Variants in LRP1B observed in about 807,000 individuals in gnomAD.
The protein encoded by LRP1B is LDL receptor related protein 1B, also known as low-density lipoprotein receptor-related protein 1B.
LRP1B carries 217 observed loss-of-function variants against 556.6 expected under a neutral mutation model. The observed-to-expected ratio is 0.39, with a 90% confidence interval of 0.35 to 0.44. LRP1B has a LOEUF of 0.44. Ranked by LOEUF, LRP1B falls within the 20% of genes least tolerant of loss-of-function variation. The probability of loss-of-function intolerance (pLI) is 1.00; values close to 1 mark genes in which losing one functional copy is unlikely to be tolerated. For synonymous variants in LRP1B, 2,047 were observed against 1,865.8 expected (o/e 1.10, Z -2.50); for missense variants, 5,053 against 5,620.8 (o/e 0.90, Z 3.23).
At chr2:140,268,867 T>C (rs113533135) in intron 86 of LRP1B, among the ~76,000 whole-genome samples, 2,845 of 151,962 alleles carry the variant, frequency 0.019, 88 homozygotes, top group African/African-American at 0.064. Flanking sequence ...CAGTTCTCGG[T>C]AAAATTTTGG....
chr2:140,688,720 T>C (rs1379982378), intron 41 of LRP1B, among the ~76,000 whole-genome samples: 1 of 152,192 alleles, frequency 6.6e-6, no homozygotes, highest in Admixed American at 6.5e-5. Context: ...CAGAGACTTA[T>C]AAAATATCTT....
intron 7 of LRP1B, among the ~76,000 whole-genome samples, chr2:141,120,055 A>G (rs925559776): frequency 2.0e-5 from 3 of 152,070 alleles, no homozygotes; most frequent in African/African-American, 7.2e-5. Context: ...AAGCTGCAGT[A>G]TGGGTACCTT....
intron 7 of LRP1B, among the ~76,000 whole-genome samples, chr2:141,185,673 G>GAAAAAAAAAAAA (rs1365290510): frequency 8.4e-5 from 2 of 23,770 alleles, no homozygotes; most frequent in Non-Finnish European, 1.5e-4. Context: ...ATGGAGAACT[G>GAAAAAAAAAAAA]AAAAACAAAC....
Position 140,270,350 on chromosome 2 carries a change from C to T in LRP1B, c.13143-4G>A. The T allele has an allele frequency of 6.3e-7, 1 of 1,584,782 alleles. No individual in the cohort carries two copies. The highest frequency in any genetic ancestry group is 1.1e-5 in the South Asian group (1 of 90,142). Reference sequence around the variant, plus strand: ...GGCAATCTTTCCATTAGTGCAGCTGCAACAACAAAGAAAAAAAGAACAATT... The same window carrying T: ...GGCAATCTTTCCATTAGTGCAGCTGTAACAACAAAGAAAAAAAGAACAATT... On this transcript the variant is annotated splice_polypyrimidine_tract_variant and splice_region_variant and intron_variant, in intron 85 of 90. Coordinates refer to ENST00000389484, the MANE Select transcript of LRP1B (RefSeq NM_018557.3).
chr2:141,245,417 T>G (rs1429658231), intron 5 of LRP1B, among the ~76,000 whole-genome samples: 1 of 152,166 alleles, frequency 6.6e-6, no homozygotes, highest in African/African-American at 2.4e-5. Context: ...TGAAGCTTGC[T>G]TAGCTAGTCT....
At chr2:140,540,816 C>G (rs183805796) in intron 45 of LRP1B, among the ~76,000 whole-genome samples, 157 bp downstream of exon 45, 1 of 152,046 alleles carries the variant, frequency 6.6e-6, no homozygotes, top group Non-Finnish European at 1.5e-5. Flanking sequence ...CTAAGCAGAA[C>G]AGTGAACTCG....
chr2:141,272,301 A>G (rs1475281682), intron 3 of LRP1B, among the ~76,000 whole-genome samples: 1 of 152,122 alleles, frequency 6.6e-6, no homozygotes, highest in East Asian at 1.9e-4. Flanking sequence ...TAGGACAACT[A>G]TTAAGAAAAC....
chr2:142,080,897 C>T (rs751696453), intron 1 of LRP1B, among the ~76,000 whole-genome samples: 1 of 149,974 alleles, frequency 6.7e-6, no homozygotes. Context: ...ACTGCTAGTG[C>T]CTTTCCTAGC....
intron 86 of LRP1B, among the ~76,000 whole-genome samples, chr2:140,259,214 A>C (rs746532532): frequency 2.6e-5 from 4 of 152,084 alleles, no homozygotes; most frequent in African/African-American, 4.8e-5. Flanking sequence ...AGAGGCTTCA[A>C]AGGACGGGGG....
intron 2 of LRP1B, among the ~76,000 whole-genome samples, chr2:141,649,699 T>C (rs1365787121): frequency 6.6e-6 from 1 of 152,218 alleles, no homozygotes; most frequent in Non-Finnish European, 1.5e-5. Context: ...TTAATTTTGT[T>C]TACATTTTAA....
intron 25 of LRP1B, 58 bp from the exon 26 acceptor site, chr2:140,868,321 A>G (rs2105157201): frequency 6.9e-7 from 1 of 1,452,122 alleles, no homozygotes. Context: ...CATTTCACAG[A>G]TATTTATTGA....
intron 76 of LRP1B, among the ~76,000 whole-genome samples, chr2:140,352,404 GA>G (rs1460637402): frequency 2.6e-5 from 4 of 152,078 alleles, no homozygotes; most frequent in Non-Finnish European, 5.9e-5. Context: ...TTGAACTCCT[GA>G]TCTCGTGATC....
chr2:141,743,501 C>CTTTTTTTTTTTTTTTTT (rs796287062), intron 2 of LRP1B, among the ~76,000 whole-genome samples: 17 of 119,034 alleles, frequency 1.4e-4, no homozygotes, highest in Non-Finnish European at 2.1e-4. Context: ...TTTTTTTTTT[C>CTTTTTTTTTTTTTTTTT]TTTTTTTTTT....
chr2:141,721,382 T>C (rs1032781998), intron 2 of LRP1B, among the ~76,000 whole-genome samples: 1 of 152,182 alleles, frequency 6.6e-6, no homozygotes, highest in Non-Finnish European at 1.5e-5. Flanking sequence ...AATTTGCTAA[T>C]AGTGGTTGAA....
At chr2:141,439,078 A>T (rs1012173669) in intron 3 of LRP1B, among the ~76,000 whole-genome samples, 11 of 152,164 alleles carry the variant, frequency 7.2e-5, no homozygotes, top group Non-Finnish European at 1.6e-4. Flanking sequence ...AATTCTATAA[A>T]CCTGAAAAAC....
At chr2:141,991,157 C>T (rs1344697034) in intron 1 of LRP1B, among the ~76,000 whole-genome samples, 1 of 151,996 alleles carries the variant, frequency 6.6e-6, no homozygotes, top group Non-Finnish European at 1.5e-5. Context: ...AAATCTTTTA[C>T]TGTGATATTA....
At chr2:140,826,401 C>T (rs1259905715) in intron 31 of LRP1B, among the ~76,000 whole-genome samples, 2 of 152,030 alleles carry the variant, frequency 1.3e-5, no homozygotes, top group East Asian at 1.9e-4. Flanking sequence ...GTTTAAATTG[C>T]CCCAGTTGAA....
At chr2:141,161,209 T>A (rs1680018634) in intron 7 of LRP1B, among the ~76,000 whole-genome samples, 1 of 152,136 alleles carries the variant, frequency 6.6e-6, no homozygotes, top group Admixed American at 6.6e-5. Context: ...TGTTAACCGT[T>A]TTTACATATA....
intron 41 of LRP1B, among the ~76,000 whole-genome samples, chr2:140,677,876 C>CAAAAAAAAAAAAAAAAAAAAAAAA (rs56656451): frequency 1.3e-5 from 1 of 75,274 alleles, no homozygotes. Flanking sequence ...AACTATGTCT[C>CAAAAAAAAAAAAAAAAAAAAAAAA]AAAAAAAAAA....
Sources: allele counts gnomAD v4.1 joint callset (sites outside exome capture counted in the v4.1 genomes callset), GRCh38; gene constraint gnomAD v4.1.1; transcripts MANE v1.5; gene names NCBI Gene and HGNC (gene_info 2026-07-23, HGNC 2026-07-21).